The following CTNNA2 variants were observed in gnomAD, a reference collection of about 807,000 sequenced individuals.
The protein encoded by CTNNA2 is catenin alpha-2.
A neutral mutation model predicts 101.0 loss-of-function variants in CTNNA2; 42 were observed. That is an observed-to-expected ratio of 0.42 (90% CI 0.32 to 0.54). CTNNA2 has a LOEUF of 0.54. Ranked by LOEUF, CTNNA2 falls within the 20% of genes least tolerant of loss-of-function variation. The probability of loss-of-function intolerance (pLI) is 0.14; values close to 1 mark genes in which losing one functional copy is unlikely to be tolerated. For missense variants in CTNNA2, 871 were observed against 1,223.1 expected (o/e 0.71, Z 4.29); for synonymous variants, 450 against 456.4 (o/e 0.99, Z 0.18).
At chr2:80,255,201 T>A (rs1672052439) in intron 7 of CTNNA2, among the ~76,000 whole-genome samples, 1 of 152,188 alleles carries the variant, frequency 6.6e-6, no homozygotes, top group Non-Finnish European at 1.5e-5. Flanking sequence ...TAGATACATC[T>A]TACATCTGTG....
intron 3 of CTNNA2, among the ~76,000 whole-genome samples, chr2:79,832,709 C>T (rs1046976376): frequency 2.6e-5 from 4 of 152,076 alleles, no homozygotes; most frequent in Admixed American, 6.6e-5. Flanking sequence ...TCATTTCAGC[C>T]TTGAGTCACA....
chr2:80,628,156 A>T (rs1378710508), intron 18 of CTNNA2, among the ~76,000 whole-genome samples: 1 of 152,142 alleles, frequency 6.6e-6, no homozygotes, highest in East Asian at 1.9e-4. Flanking sequence ...CATGGATAGG[A>T]AGGATCAATA....
intron 7 of CTNNA2, among the ~76,000 whole-genome samples, chr2:80,031,905 T>G (rs1695314325): frequency 6.6e-6 from 1 of 152,206 alleles, no homozygotes; most frequent in Admixed American, 6.5e-5. Context: ...CGATTCCACA[T>G]GTAATTGTGA....
chr2:79,930,304 G>GAAAGAAAGAAAGAAAGAAAGAAAGAA (rs1558650955), intron 7 of CTNNA2, among the ~76,000 whole-genome samples: 9 of 55,110 alleles, frequency 1.6e-4, no homozygotes, highest in African/African-American at 6.7e-4. Context: ...GAGAAAGAAA[G>GAAAGAAAGAAAGAAAGAAAGAAAGAA]AAAGAAAGAA....
chr2:79,759,593 G>A (rs748368547), intron 3 of CTNNA2, among the ~76,000 whole-genome samples: 3 of 151,938 alleles, frequency 2.0e-5, no homozygotes, highest in African/African-American at 4.8e-5. Flanking sequence ...TTGAGCTCCC[G>A]CCCTGCATCC....
At chr2:80,377,990 G>C (rs894624473) in intron 7 of CTNNA2, among the ~76,000 whole-genome samples, 1 of 152,188 alleles carries the variant, frequency 6.6e-6, no homozygotes, top group East Asian at 1.9e-4. Flanking sequence ...CATTGTGCCT[G>C]ACACTGGGAG....
At chr2:79,674,948 A>G (rs1683083583) in intron 2 of CTNNA2, among the ~76,000 whole-genome samples, 1 of 152,210 alleles carries the variant, frequency 6.6e-6, no homozygotes, top group African/African-American at 2.4e-5. Context: ...GCTCTTTTCA[A>G]TAATTTCTAG....
intron 15 of CTNNA2, among the ~76,000 whole-genome samples, chr2:80,600,768 C>T (rs1282585465): frequency 1.3e-5 from 2 of 152,046 alleles, no homozygotes; most frequent in Admixed American, 6.6e-5. Flanking sequence ...CATCAGCCTC[C>T]GAGTAGCTGG....
intron 7 of CTNNA2, among the ~76,000 whole-genome samples, chr2:80,277,933 A>G (rs968640971): frequency 6.6e-6 from 1 of 152,120 alleles, no homozygotes; most frequent in Non-Finnish European, 1.5e-5. Flanking sequence ...GGGTTAAGCC[A>G]ACCTAATTCT....
At chr2:80,191,751 A>C (rs1295122253) in intron 7 of CTNNA2, among the ~76,000 whole-genome samples, 3 of 152,146 alleles carry the variant, frequency 2.0e-5, no homozygotes, top group Non-Finnish European at 2.9e-5. Context: ...TATTACGTAT[A>C]TATTTCAACA....
chr2:79,434,337 AAG>A (rs1221631359), intron 4 of CTNNA2, among the ~76,000 whole-genome samples: 2 of 151,954 alleles, frequency 1.3e-5, no homozygotes, highest in Non-Finnish European at 2.9e-5. Flanking sequence ...GAAGAAAAAT[AAG>A]AGAGGCTTAA....
intron 1 of CTNNA2, among the ~76,000 whole-genome samples, chr2:79,544,610 T>C (rs1431486725): frequency 1.3e-5 from 2 of 152,120 alleles, no homozygotes; most frequent in African/African-American, 4.8e-5. Context: ...CATAGCTATA[T>C]TAGGTTTTAG....
At chr2:79,403,300 G>A (rs533981961) in intron 4 of CTNNA2, among the ~76,000 whole-genome samples, 26 of 151,946 alleles carry the variant, frequency 1.7e-4, no homozygotes, top group Non-Finnish European at 2.9e-5. Flanking sequence ...GAGATTGGAA[G>A]AAGATATTTG....
chr2:80,487,138 G>A (rs533652912), intron 9 of CTNNA2, among the ~76,000 whole-genome samples: 365 of 151,910 alleles, frequency 2.4e-3, no homozygotes, highest in Non-Finnish European at 4.1e-3. Flanking sequence ...AAAATTAGCC[G>A]GGCGTGGTGG....
rs1454681362 is a variant in CTNNA2, at chr2:79,647,367, C to G, written c.-5-4185C>G. ...AAATATTTCCAGGAATGTTAGCATGCTTTCTATCCATTAAGTTATTTAATC... is the reference window on the plus strand; with the variant it reads ...AAATATTTCCAGGAATGTTAGCATGGTTTCTATCCATTAAGTTATTTAATC... On this transcript the variant is annotated intron_variant, in intron 1 of 18. Coordinates refer to ENST00000402739, the MANE Select transcript of CTNNA2 (RefSeq NM_001282597.3). Among the ~76,000 whole-genome samples, 5 of 152,262 alleles carry G rather than the reference C, an allele frequency of 3.3e-5. No homozygotes were observed. The South Asian group carries it at 8.3e-4, about 25-fold the overall frequency.
intron 7 of CTNNA2, among the ~76,000 whole-genome samples, chr2:79,975,550 A>T (rs1690777630): frequency 6.6e-6 from 1 of 152,138 alleles, no homozygotes; most frequent in South Asian, 2.1e-4. Context: ...CTCACTTCAG[A>T]TGCCATAGCA....
At chr2:79,487,090 A>G (rs1469091378) in intron 4 of CTNNA2, among the ~76,000 whole-genome samples, 1 of 152,202 alleles carries the variant, frequency 6.6e-6, no homozygotes, top group African/African-American at 2.4e-5. Flanking sequence ...TTAGCCCTAT[A>G]ATTCCAAAGC....
intron 2 of CTNNA2, among the ~76,000 whole-genome samples, chr2:79,710,859 A>G (rs1685695218): frequency 6.6e-6 from 1 of 152,134 alleles, no homozygotes; most frequent in Admixed American, 6.5e-5. Flanking sequence ...GAATATTTCC[A>G]TTATTTTTTG....
chr2:79,428,651 A>G (rs1195347899), intron 4 of CTNNA2, among the ~76,000 whole-genome samples: 1 of 152,178 alleles, frequency 6.6e-6, no homozygotes, highest in East Asian at 1.9e-4. Flanking sequence ...TGAAGTTTAC[A>G]GGATCTGTGT....
Sources: allele counts gnomAD v4.1 joint callset (sites outside exome capture counted in the v4.1 genomes callset), GRCh38; gene constraint gnomAD v4.1.1; transcripts MANE v1.5; gene names NCBI Gene and HGNC (gene_info 2026-07-23, HGNC 2026-07-21).